The following CCDC144A variants were observed in gnomAD, a reference collection of about 807,000 sequenced individuals.
The protein encoded by CCDC144A is coiled-coil domain-containing protein 144A.
In CCDC144A, 41 loss-of-function variants were observed where a neutral mutation model predicts 143.8. The observed-to-expected ratio is 0.29, with a 90% CI of 0.22 to 0.37. CCDC144A has a LOEUF of 0.37. Ranked by LOEUF, CCDC144A falls within the 10% of genes least tolerant of loss-of-function variation. CCDC144A has a pLI of 1.00. For missense variants in CCDC144A, 637 were observed against 1,488.8 expected (o/e 0.43, Z 9.41); for synonymous variants, 242 against 517.9 (o/e 0.47, Z 7.23).
rs767461617 is a variant in CCDC144A, at chr17:16,732,543, G to A, written c.2295G>A (p.Val765=). The stretch of plus-strand genomic sequence containing the variant: ...AACCTCCATGTTATCTCTAGGTTGT[G>A]CAGGAGAGAAACGATGCCCAGAAGC... The part of the protein sequence containing the change: ...RTVRNNLDLV[V]QERNDAQKQL... The change falls in exon 11 of 17, where the codon GTG becomes GTA. Residue 765 remains valine (V), a synonymous_variant. Coordinates refer to ENST00000399273, the MANE Select transcript of CCDC144A (RefSeq NM_001382000.1). 1.1e-5 allele frequency: 17 copies of A among 1,607,952 alleles called. No individual in the cohort carries two copies. The highest frequency in any genetic ancestry group is 1.3e-5 in the Non-Finnish European group (15 of 1,177,972).
At chr17:16,737,705 TAA>T (rs1914087918) in intron 12 of CCDC144A, 1 of 1,115,032 alleles carries the variant, frequency 9.0e-7, no homozygotes, top group African/African-American at 1.6e-5. Flanking sequence ...TGTCAACAGT[TAA>T]TCTATAGGTG....
chr17:16,674,297 C>G, the CCDC144A span, among the ~76,000 whole-genome samples: 1 of 152,012 alleles, frequency 6.6e-6, no homozygotes, highest in African/African-American at 2.4e-5. Context: ...ACCTGTATTC[C>G]CAGCTACTTG....
At chr17:16,707,664 C>T (rs970296609) in intron 4 of CCDC144A, 122 bp downstream of exon 4, 2 of 522,744 alleles carry the variant, frequency 3.8e-6, no homozygotes, top group East Asian at 3.2e-5. Context: ...CCAATAGATC[C>T]TTACTTAATA....
At chr17:16,696,546 A>T (rs1259879840) in intron 2 of CCDC144A, among the ~76,000 whole-genome samples, 4 of 150,556 alleles carry the variant, frequency 2.7e-5, no homozygotes, top group Non-Finnish European at 5.9e-5. Context: ...AGGCAGGAGA[A>T]TCACTTGAAC....
chr17:16,729,282 C>T (rs1380784351), intron 9 of CCDC144A, among the ~76,000 whole-genome samples: 6 of 152,170 alleles, frequency 3.9e-5, no homozygotes, highest in African/African-American at 7.2e-5. Flanking sequence ...AATGAGCATG[C>T]TGGCTGGAGT....
intron 12 of CCDC144A, among the ~76,000 whole-genome samples, chr17:16,747,729 C>T (rs1203494434): frequency 6.6e-6 from 1 of 152,068 alleles, no homozygotes; most frequent in Non-Finnish European, 1.5e-5. Flanking sequence ...TGTCTCTCAG[C>T]TTGAACTTTA....
chr17:16,758,534 A>G (rs1172440377), intron 12 of CCDC144A, among the ~76,000 whole-genome samples: 1 of 152,250 alleles, frequency 6.6e-6, no homozygotes, highest in Admixed American at 6.5e-5. Context: ...CCTATTGAAC[A>G]GAGAGAAAAT....
chr17:16,745,550 C>T, intron 12 of CCDC144A: 16 of 1,356,396 alleles, frequency 1.2e-5, no homozygotes, highest in Non-Finnish European at 1.6e-5. Context: ...AATAAGTTCT[C>T]CTTCCCAGTC....
At chr17:16,741,446 A>G (rs993808065) in intron 12 of CCDC144A, among the ~76,000 whole-genome samples, 1 of 152,206 alleles carries the variant, frequency 6.6e-6, no homozygotes, top group African/African-American at 2.4e-5. Flanking sequence ...TCCTCACAGC[A>G]TGGGGGCTGG....
In CCDC144A at chr17:16,777,740, A is replaced by G. The variant is rs1405763859; in HGVS notation, c.*4107A>G. 7.2e-6 allele frequency: 1 copy of G among 139,572 alleles called. No homozygotes were observed. The highest frequency in any genetic ancestry group is 1.5e-5 in the Non-Finnish European group (1 of 66,672). 8.6% of individuals were successfully genotyped at this position (139,572 alleles called of 1,614,324 possible). A position where few individuals can be genotyped will look rare whatever the true frequency, so the allele number is the denominator to read the frequency against. On this transcript the variant is annotated 3_prime_UTR_variant, in exon 17 of 17. Coordinates refer to ENST00000399273, the MANE Select transcript of CCDC144A (RefSeq NM_001382000.1). ...AGCTAAGAAGAAAATTCATAGCATT[A>G]AATGCCTATATCAAAAAGTCTGAAA...
chr17:16,751,553 C>G (rs1227158810), intron 12 of CCDC144A, among the ~76,000 whole-genome samples: 3 of 152,166 alleles, frequency 2.0e-5, no homozygotes, highest in Non-Finnish European at 2.9e-5. Context: ...CTTGGGAGAG[C>G]CCCCTCCAAT....
intron 12 of CCDC144A, among the ~76,000 whole-genome samples, chr17:16,752,188 G>A (rs1418938560): frequency 5.9e-5 from 9 of 152,298 alleles, no homozygotes; most frequent in South Asian, 2.1e-4. Context: ...CATCAGTAGC[G>A]GCATTAGATT....
At chr17:16,740,274 C>T (rs2260567) in intron 12 of CCDC144A, among the ~76,000 whole-genome samples, 14,305 of 152,196 alleles carry the variant, frequency 0.094, 883 homozygotes, top group Non-Finnish European at 0.13. Flanking sequence ...ACTCCCGGAG[C>T]TGAATCCTCT....
At chr17:16,668,035 T>TA in the CCDC144A span, among the ~76,000 whole-genome samples, 5 of 148,536 alleles carry the variant, frequency 3.4e-5, no homozygotes, top group African/African-American at 9.9e-5. Flanking sequence ...TTTTGCGACA[T>TA]AAAAAAATGT....
intron 12 of CCDC144A, among the ~76,000 whole-genome samples, chr17:16,741,732 G>GA (rs1305956610): frequency 6.6e-6 from 1 of 152,090 alleles, no homozygotes; most frequent in Non-Finnish European, 1.5e-5. Context: ...ACAGGAATGT[G>GA]ACACCACACC....
At chr17:16,717,403 C>T (rs1193960565) in intron 6 of CCDC144A, among the ~76,000 whole-genome samples, 1 of 152,204 alleles carries the variant, frequency 6.6e-6, no homozygotes, top group Non-Finnish European at 1.5e-5. Context: ...AGCCACCACA[C>T]CCAGCTGACT....
rs551925741 is a variant in CCDC144A at position 16,733,640 on chromosome 17, C to T, written c.2418+974C>T. Among the ~76,000 whole-genome samples the T allele has an allele frequency of 1.3e-3, 197 of 150,458 alleles. 1 individual carries two copies. Among genetic ancestry groups the T allele is most frequent in the African/African-American group, 4.7e-3 (193 of 40,990 alleles). ...TAATCTCATGATTTTCTAAGAAAAG[C>T]TCTGTAACTTCTTTTTTTACCACTG... On this transcript the variant is annotated intron_variant, in intron 11 of 16. Transcript: ENST00000399273.
the CCDC144A span, among the ~76,000 whole-genome samples, chr17:16,668,591 A>G: frequency 3.7e-3 from 568 of 152,098 alleles, 6 homozygotes; most frequent in African/African-American, 0.013. Context: ...TAATTTTTTA[A>G]TTTTTTTATT....
intron 8 of CCDC144A, among the ~76,000 whole-genome samples, chr17:16,726,001 T>A (rs1913395795): frequency 6.6e-6 from 1 of 152,108 alleles, no homozygotes; most frequent in Non-Finnish European, 1.5e-5. Flanking sequence ...TTTGGTGATG[T>A]CTAATCTGTG....
Sources: allele counts gnomAD v4.1 joint callset (sites outside exome capture counted in the v4.1 genomes callset), GRCh38; gene constraint gnomAD v4.1.1; transcripts MANE v1.5; gene names NCBI Gene and HGNC (gene_info 2026-07-23, HGNC 2026-07-21).